KBTBD2: variants seen among roughly 807,000 people sequenced by gnomAD.
KBTBD2 encodes the protein kelch repeat and BTB domain-containing protein 2.
Under a neutral mutation model 57.1 loss-of-function variants are expected in KBTBD2, and 17 were observed. The ratio of observed to expected loss-of-function variants is 0.30; its 90% CI spans 0.20 to 0.45. The LOEUF is 0.45. Ranked by LOEUF, KBTBD2 falls within the 20% of genes least tolerant of loss-of-function variation. KBTBD2 has a pLI of 1.00. For missense variants in KBTBD2, 515 were observed against 750.6 expected (o/e 0.69, Z 3.67); for synonymous variants, 267 against 262.7 (o/e 1.02, Z -0.16).
chr7:32,871,851 T>A (rs1047396163), intron 3 of KBTBD2, among the ~76,000 whole-genome samples: 1 of 151,920 alleles, frequency 6.6e-6, no homozygotes, highest in African/African-American at 2.4e-5. Context: ...GGCAACACAG[T>A]CTAAGAGGCA....
At position 32,868,300 on chromosome 7, in the gene KBTBD2, A is replaced by G. The variant is rs1202033598; in HGVS notation, c.*1045T>C. The G allele has an allele frequency of 6.6e-6, 1 of 152,580 alleles. No individual in the cohort carries two copies. The highest frequency in any genetic ancestry group is 2.4e-5 in the African/African-American group (1 of 41,440). The allele number at this position is 152,580 out of a possible 1,614,324, so 9.5% of individuals were successfully genotyped here. ...GCTCATGTTAGATTGGCGGCGCCCC[A>G]CTACTGCTAGTGGTTCCTGGGATTA... is the stretch of plus-strand genomic sequence containing the variant. On this transcript the variant is annotated 3_prime_UTR_variant, in exon 4 of 4. Transcript: ENST00000304056.
In KBTBD2 at chr7:32,870,718, C is replaced by G; in HGVS notation, c.499G>C (p.Asp167His). The G allele has an allele frequency of 6.2e-7, 1 of 1,614,192 alleles. No individual in the cohort carries two copies. The highest frequency in any genetic ancestry group is 1.6e-4 in the Middle Eastern group (1 of 6,062). ...TCATGTGACAGCTGCATGAACGCGT[C>G]CTGATGATACACAGCAGTGAACTTG... is the stretch of plus-strand genomic sequence containing the variant. ...EHKFTAVYHQDAFMQLSHDLL... is the reference protein window; with the variant it reads ...EHKFTAVYHQHAFMQLSHDLL... The change falls in exon 4 of 4, where the codon GAC becomes CAC. Residue 167 changes from aspartate (D) to histidine (H), a missense_variant. By Grantham distance (81) the Asp-to-His change is moderately conservative. Coordinates refer to ENST00000304056, the MANE Select transcript of KBTBD2 (RefSeq NM_015483.3).
rs540536655 is a variant in KBTBD2 at position 32,889,965 on chromosome 7, G to A, written c.-339+1571C>T. On this transcript the variant is annotated intron_variant, in intron 1 of 3. Coordinates refer to ENST00000304056, the MANE Select transcript of KBTBD2 (RefSeq NM_015483.3). The stretch of plus-strand genomic sequence containing the variant: ...ACCAACCAGAAGAAAATCTATGGAG[G>A]AGCATGGACATATGTACTGATACCT... Among the ~76,000 whole-genome samples, 7 of 152,312 alleles carry A rather than the reference G, an allele frequency of 4.6e-5. No individual in the cohort carries two copies. In the South Asian group the frequency reaches 8.3e-4, roughly 18 times the overall value.
At chr7:32,887,771 G>A (rs566159642) in intron 1 of KBTBD2, among the ~76,000 whole-genome samples, 1 of 152,234 alleles carries the variant, frequency 6.6e-6, no homozygotes, top group South Asian at 2.1e-4. Context: ...AAACTACTTG[G>A]GTTAAAGCCC....
At chr7:32,888,203 GATA>G (rs1334231264) in intron 1 of KBTBD2, among the ~76,000 whole-genome samples, 4 of 152,082 alleles carry the variant, frequency 2.6e-5, no homozygotes, top group African/African-American at 9.7e-5. Flanking sequence ...AAAATATTAA[GATA>G]ATTTTTCCTT....
chr7:32,890,298 TATC>T (rs1212053083), intron 1 of KBTBD2, among the ~76,000 whole-genome samples: 5 of 152,186 alleles, frequency 3.3e-5, no homozygotes, highest in Non-Finnish European at 7.3e-5. Context: ...TAACATTAGT[TATC>T]AGCCAGATGG....
At chr7:32,891,110 GTCC>G (rs1049827779) in intron 1 of KBTBD2, 3 of 152,292 alleles carry the variant, frequency 2.0e-5, no homozygotes, top group Non-Finnish European at 2.9e-5. Flanking sequence ...GGAAGGGGGT[GTCC>G]TCCTTCGGCC....
At position 32,891,671 on chromosome 7, in the gene KBTBD2, G is replaced by T. The variant is rs1192007292; in HGVS notation, c.-474C>A. 1.3e-5 allele frequency: 2 copies of T among 150,016 alleles called. No individual in the cohort carries two copies. The highest frequency in any genetic ancestry group is 6.6e-5 in the Admixed American group (1 of 15,130). 9.3% of individuals were successfully genotyped at this position (150,016 alleles called of 1,614,324 possible). A position where few individuals can be genotyped will look rare whatever the true frequency, so the allele number is the denominator to read the frequency against. On this transcript the variant is annotated 5_prime_UTR_variant, in exon 1 of 4. Transcript: ENST00000304056. ...TGGGGTCTCGCCTCCGCCTCCGGCC[G>T]AGGAAGGCTGGCGCCGCCGCCTCTT...
intron 1 of KBTBD2, chr7:32,891,266 G>A (rs993410300): frequency 3.4e-5 from 5 of 149,148 alleles, no homozygotes; most frequent in African/African-American, 1.2e-4. Flanking sequence ...CGCCCAGCTA[G>A]CGGCGTACCG....
chr7:32,876,175 T>C (rs1428497012), intron 2 of KBTBD2, among the ~76,000 whole-genome samples: 1 of 152,048 alleles, frequency 6.6e-6, no homozygotes, highest in Admixed American at 6.6e-5. Flanking sequence ...AGAATGCCCA[T>C]ATATAGGTAA....
At position 32,875,116 on chromosome 7, in the gene KBTBD2, T is replaced by C. The variant is rs773814968; in HGVS notation, c.212A>G (p.His71Arg). The C allele has an allele frequency of 2.2e-5, 36 of 1,614,108 alleles. No individual in the cohort carries two copies. The highest frequency in any genetic ancestry group is 3.1e-5 in the Non-Finnish European group (36 of 1,180,042). Residue 71 changes from histidine (H) to arginine (R), a missense_variant, in exon 3 of 4, where the codon CAT (histidine) becomes CGT (arginine). Physicochemically the swap from His to Arg is conservative, Grantham distance 29 (BLOSUM62 0). Transcript: ENST00000304056. ...AGCATCGACATTCCTCAGGTGTACA[T>C]GGGTTTGTTTGCTTTCACTTAGTCC... is the stretch of plus-strand genomic sequence containing the variant. ...MSGLSESKQT[H>R]VHLRNVDAAT...
chr7:32,871,845 AC>A lies in KBTBD2; in HGVS notation c.337-966del, dbSNP rs398094967. On this transcript the variant is annotated intron_variant, in intron 3 of 3. Coordinates refer to ENST00000304056, the MANE Select transcript of KBTBD2 (RefSeq NM_015483.3). ...TGCCCCATCTCAGGCTTCCAGGGCA[AC>A]ACAGTCTAAGAGGCAGAGTCCTGTT... 1.4e-4 allele frequency among the ~76,000 whole-genome samples: 6 copies of A among 43,804 alleles called. No individual in the cohort carries two copies. The African/African-American group carries it at 1.7e-3, about 12-fold the overall frequency. 28.7% of individuals were successfully genotyped at this position (43,804 alleles called of 152,430 possible). A position where few individuals can be genotyped will look rare whatever the true frequency, so the allele number is the denominator to read the frequency against.
rs1227826537 is a variant in KBTBD2 at position 32,870,339 on chromosome 7, T to C, written c.878A>G (p.Glu293Gly). The change falls in exon 4 of 4, where the codon GAA becomes GGA. Residue 293 changes from glutamate (E) to glycine (G), a missense_variant. Transcript: ENST00000304056. ...YSSVCYSPQA[E>G]KVYKLCSPPA... ...TGGGCTACATAACTTGTAAACTTTT[T>C]CTGCTTGGGGGCTGTAACAGACAGA... 1.1e-5 allele frequency: 17 copies of C among 1,613,686 alleles called. No homozygotes were observed. Among genetic ancestry groups the C allele is most frequent in the Non-Finnish European group, 1.4e-5 (17 of 1,179,892 alleles).
In KBTBD2 at chr7:32,868,570, T is replaced by C. The variant is rs1486701728; in HGVS notation, c.*775A>G. 2.0e-5 allele frequency: 3 copies of C among 152,642 alleles called. No homozygotes were observed. The highest frequency in any genetic ancestry group is 2.9e-5 in the Non-Finnish European group (2 of 68,042). 9.5% of individuals were successfully genotyped at this position (152,642 alleles called of 1,614,324 possible). On this transcript the variant is annotated 3_prime_UTR_variant, in exon 4 of 4. Coordinates refer to ENST00000304056, the MANE Select transcript of KBTBD2 (RefSeq NM_015483.3). The stretch of plus-strand genomic sequence containing the variant: ...GAACTACATCAGCAGCAGATAGTTA[T>C]ATGCATGAGCCAATGTTAACATAAT...
chr7:32,877,179 G>A (rs199725485), intron 2 of KBTBD2, among the ~76,000 whole-genome samples: 6 of 141,444 alleles, frequency 4.2e-5, no homozygotes, highest in Admixed American at 6.9e-5. Flanking sequence ...CCACTACGCC[G>A]GCTGATTTTT....
In KBTBD2 at chr7:32,875,153, T is replaced by G. The variant is rs1784281306; in HGVS notation, c.175A>C (p.Met59Leu). 1 of 1,613,986 alleles carries G rather than the reference T, an allele frequency of 6.2e-7. No homozygotes were observed. Among genetic ancestry groups the G allele is most frequent in the Non-Finnish European group, 8.5e-7 (1 of 1,179,906 alleles). ...LATCSSYFRA[M>L]FMSGLSESKQ... ...CTTTCACTTAGTCCACTCATAAACA[T>G]GGCCCTACAGGGGAGATGAAGAAAA... Residue 59 changes from methionine to leucine, a missense_variant, in exon 3 of 4, where the codon ATG (methionine) becomes CTG (leucine). Met to Leu is a conservative substitution (Grantham distance 15). Transcript: ENST00000304056.
At chr7:32,877,369 A>T (rs1381443969) in intron 2 of KBTBD2, among the ~76,000 whole-genome samples, 1 of 152,228 alleles carries the variant, frequency 6.6e-6, no homozygotes, top group African/African-American at 2.4e-5. Flanking sequence ...AAGTACCACA[A>T]CAGAAGTGCT....
At position 32,869,833 on chromosome 7, in the gene KBTBD2, C is replaced by T. The variant is rs1280587019; in HGVS notation, c.1384G>A (p.Ala462Thr). The T allele has an allele frequency of 1.2e-6, 2 of 1,613,600 alleles. No homozygotes were observed. Among genetic ancestry groups the T allele is most frequent in the African/African-American group, 2.7e-5 (2 of 74,898 alleles). ...TTATCACCAAAAGCTGCAGCTGAAG[C>T]AAAGGACCTACTAGTCTGTCTCATG... ...MAMRQTSRSF[A>T]SAAAFGDKIF... The change falls in exon 4 of 4, where the codon GCT (alanine) becomes ACT (threonine). Residue 462 changes from alanine (A) to threonine (T), a missense_variant. By Grantham distance (58) the Ala-to-Thr change is moderately conservative. Coordinates refer to ENST00000304056, the MANE Select transcript of KBTBD2 (RefSeq NM_015483.3).
chr7:32,879,404 A>T (rs781170236), intron 2 of KBTBD2, 31 bp downstream of exon 2: 1 of 1,479,630 alleles, frequency 6.8e-7, no homozygotes, highest in East Asian at 2.3e-5. Flanking sequence ...CATTTCAAAG[A>T]ATTTCTATTT....
Sources: gnomAD v4.1 joint callset for allele counts (sites outside exome capture counted in the v4.1 genomes callset) on GRCh38, gnomAD v4.1.1 for gene constraint, MANE v1.5 for transcripts, NCBI Gene and HGNC (gene_info 2026-07-23, HGNC 2026-07-21) for gene names.